The following SLC18B1 variants were observed in gnomAD, a reference collection of about 807,000 sequenced individuals.
SLC18B1 encodes the protein solute carrier family 18 member B1.
A neutral mutation model predicts 53.9 loss-of-function variants in SLC18B1; 62 were observed. That is an observed-to-expected ratio of 1.15 (90% CI 0.94 to 1.42). The LOEUF (loss-of-function observed/expected upper bound fraction) is 1.42, where lower values mean the gene tolerates loss of function less well. Among genes scored for constraint, SLC18B1 ranks in the 40% most tolerant of loss-of-function variants. The pLI, the probability that SLC18B1 is intolerant of heterozygous loss-of-function variation, is 0.00. For synonymous variants in SLC18B1, 217 were observed against 200.9 expected (o/e 1.08, Z -0.68); for missense variants, 598 against 547.3 (o/e 1.09, Z -0.93).
In SLC18B1 at chr6:132,772,189, T is replaced by A. The variant is rs770606823; in HGVS notation, c.1103A>T (p.Glu368Val). 2.5e-6 allele frequency: 4 copies of A among 1,573,506 alleles called. No individual in the cohort carries two copies. The highest frequency in any genetic ancestry group is 2.6e-6 in the Non-Finnish European group (3 of 1,165,826). The change falls in exon 11 of 14, where the codon GAG (glutamate) becomes GTG (valine). Residue 368 changes from glutamate to valine, a missense_variant. Transcript: ENST00000275227. The stretch of plus-strand genomic sequence containing the variant: ...TACAAGTCCCAATGTACTTAATCCC[T>A]CTTCAAACCCATTTTCACTGCAAAA... The part of the protein sequence containing the change: ...LSCAHENGFE[E>V]GLSTLGLVSG...
Position 132,777,632 on chromosome 6 carries a change from T to C in SLC18B1, c.796-1203A>G, listed in dbSNP as rs143487639. Among the ~76,000 whole-genome samples, 692 of 152,286 alleles carry C rather than the reference T, an allele frequency of 4.5e-3. 9 individuals carry two copies. Among genetic ancestry groups the C allele is most frequent in the African/African-American group, 0.016 (660 of 41,570 alleles). On this transcript the variant is annotated intron_variant, in intron 7 of 13. Transcript: ENST00000275227. The stretch of plus-strand genomic sequence containing the variant: ...GGGAGGCTGAGGCAGGAGAATTGCT[T>C]GAACCTGGGAGGAGGAGGTTGCAGT...
At chr6:132,786,187 C>T (rs1306526333) in intron 5 of SLC18B1, among the ~76,000 whole-genome samples, 4 of 152,050 alleles carry the variant, frequency 2.6e-5, no homozygotes, top group East Asian at 3.9e-4. Flanking sequence ...AATGGTATGC[C>T]GGCCAAATGG....
chr6:132,773,873 G>GAA (rs57546980), intron 9 of SLC18B1, among the ~76,000 whole-genome samples: 56 of 142,592 alleles, frequency 3.9e-4, no homozygotes, highest in African/African-American at 1.3e-3. Flanking sequence ...AAAAAGAAAA[G>GAA]AAAAAAAAAA....
chr6:132,772,865 CA>C (rs1781010638), intron 10 of SLC18B1, 127 bp downstream of exon 10: 2 of 629,624 alleles, frequency 3.2e-6, no homozygotes, highest in Non-Finnish European at 2.8e-6. Flanking sequence ...TCATATGCTA[CA>C]AAATCATGAA....
chr6:132,776,259 A>G, intron 8 of SLC18B1, 69 bp downstream of exon 8: 1 of 1,238,450 alleles, frequency 8.1e-7, no homozygotes, highest in Admixed American at 1.9e-5. Context: ...TAGAGTTCCA[A>G]AGGAACAGTT....
At position 132,774,261 on chromosome 6, in the gene SLC18B1, T is replaced by C. The variant is rs145080398; in HGVS notation, c.950A>G (p.Tyr317Cys). ...VFGNLITAGC[Y>C]MLLGPVPILH... ...GATTGGGACAGGCCCTAAGAGCATG[T>C]AGCACCCGGCTGTGATTAAGTTGCC... The change falls in exon 9 of 14, where the codon TAC (tyrosine) becomes TGC (cysteine). Residue 317 changes from tyrosine to cysteine, a missense_variant. Transcript: ENST00000275227. 4 of 1,613,576 alleles carry C rather than the reference T, an allele frequency of 2.5e-6. No individual in the cohort carries two copies. The highest frequency in any genetic ancestry group is 1.3e-5 in the African/African-American group (1 of 74,918).
rs377676263 is a variant in SLC18B1 at position 132,790,754 on chromosome 6, G to T, written c.184-482C>A. On this transcript the variant is annotated intron_variant, in intron 2 of 13. Transcript: ENST00000275227. ...GTCAGACCAAGGCCCAATCAGTCTA[G>T]GTCTCTGTTTCTGACAGTAATACCA... 8.5e-5 allele frequency among the ~76,000 whole-genome samples: 13 copies of T among 152,264 alleles called. No homozygotes were observed. In the South Asian group the frequency reaches 2.7e-3, roughly 32 times the overall value.
At chr6:132,784,669 T>C (rs1028539858) in intron 5 of SLC18B1, among the ~76,000 whole-genome samples, 1 of 152,168 alleles carries the variant, frequency 6.6e-6, no homozygotes, top group Non-Finnish European at 1.5e-5. Flanking sequence ...TTTGGCAATT[T>C]GGCAAATTGA....
At chr6:132,778,789 G>A (rs71574630) in intron 7 of SLC18B1, among the ~76,000 whole-genome samples, 20 of 152,234 alleles carry the variant, frequency 1.3e-4, no homozygotes, top group African/African-American at 4.6e-4. Flanking sequence ...TTAATGCTAA[G>A]GATACTTGGT....
chr6:132,794,978 C>T (rs1781634117), intron 2 of SLC18B1, among the ~76,000 whole-genome samples: 1 of 152,048 alleles, frequency 6.6e-6, no homozygotes, highest in South Asian at 2.1e-4. Context: ...TACTTTCAGC[C>T]TCGATGACAG....
chr6:132,770,852 T>A, intron 13 of SLC18B1, 38 bp downstream of exon 13: 4 of 1,576,944 alleles, frequency 2.5e-6, no homozygotes, highest in Non-Finnish European at 3.4e-6. Flanking sequence ...ACTGGCTAAC[T>A]TTTAAAGAGA....
intron 4 of SLC18B1, chr6:132,789,438 T>C (rs1332773132): frequency 5.1e-6 from 1 of 196,004 alleles, no homozygotes; most frequent in African/African-American, 2.3e-5. Flanking sequence ...GTTGACACTT[T>C]ATTAAAGAAA....
chr6:132,798,379 G>C, intron 1 of SLC18B1, 35 bp downstream of exon 1: 1 of 1,509,618 alleles, frequency 6.6e-7, no homozygotes, highest in Non-Finnish European at 8.9e-7. Context: ...GCCGCCGCTG[G>C]TCTCCGGGCT....
At chr6:132,782,716 A>G (rs1005221919) in intron 6 of SLC18B1, among the ~76,000 whole-genome samples, 2 of 152,170 alleles carry the variant, frequency 1.3e-5, no homozygotes, top group Non-Finnish European at 2.9e-5. Context: ...CAATATCAGT[A>G]ATTTTTAAAA....
At chr6:132,792,280 AAAGGAAGAAAGGAAGGAAGGAAGG>A (rs1781554665) in intron 2 of SLC18B1, among the ~76,000 whole-genome samples, 12 of 42,696 alleles carry the variant, frequency 2.8e-4, no homozygotes, top group East Asian at 5.7e-4. Context: ...AGAAAGAAAG[AAAGGAAGAAAGGAAGGAAGGAAGG>A]AAGGAAGGAA....
chr6:132,773,148 C>G, intron 9 of SLC18B1, 60 bp from the exon 10 acceptor site: 1 of 1,231,758 alleles, frequency 8.1e-7, no homozygotes, highest in Non-Finnish European at 1.2e-6. Context: ...TTTTAACAAA[C>G]ACAAAGCTTA....
At chr6:132,795,245 T>TC (rs1236186547) in intron 2 of SLC18B1, among the ~76,000 whole-genome samples, 1 of 152,080 alleles carries the variant, frequency 6.6e-6, no homozygotes, top group East Asian at 1.9e-4. Context: ...ACCTTTTTTT[T>TC]CCCATATTTT....
intron 5 of SLC18B1, among the ~76,000 whole-genome samples, chr6:132,786,118 T>G (rs139387855): frequency 6.6e-6 from 1 of 152,084 alleles, no homozygotes. Context: ...TTAATGAGCA[T>G]ATCAACAGAC....
intron 8 of SLC18B1, among the ~76,000 whole-genome samples, chr6:132,776,109 A>T (rs1362001963): frequency 6.6e-6 from 1 of 152,178 alleles, no homozygotes; most frequent in Non-Finnish European, 1.5e-5. Context: ...TTTTTTAAGC[A>T]TAAGACTCTT....
Sources: allele counts gnomAD v4.1 joint callset (sites outside exome capture counted in the v4.1 genomes callset), GRCh38; gene constraint gnomAD v4.1.1; transcripts MANE v1.5; gene names NCBI Gene and HGNC (gene_info 2026-07-23, HGNC 2026-07-21).